Variants in FILIP1L observed in about 807,000 individuals in gnomAD.
FILIP1L encodes filamin A-interacting protein 1-like.
A neutral mutation model predicts 96.6 loss-of-function variants in FILIP1L; 55 were observed. The observed-to-expected ratio is 0.57, with a 90% confidence interval of 0.46 to 0.71. The LOEUF (loss-of-function observed/expected upper bound fraction) is 0.71, where lower values mean the gene tolerates loss of function less well. Ranked by LOEUF, FILIP1L falls within the 30% of genes least tolerant of loss-of-function variation. FILIP1L has a pLI of 0.00. For synonymous variants in FILIP1L, 467 were observed against 473.9 expected (o/e 0.99, Z 0.19); for missense variants, 1,304 against 1,321.2 (o/e 0.99, Z 0.20).
In FILIP1L at chr3:99,848,516, C is replaced by T. The variant is rs1239417708; in HGVS notation, c.3160G>A (p.Val1054Met). ...ATTTTATTATCCTCAGTAGTTATCA[C>T]ACTTGAGCTATTGCTGTTTGAACGC... ...FQRSNSNSSS[V>M]ITTEDNKIHI... The change falls in exon 5 of 6, where the codon GTG becomes ATG. Residue 1054 changes from valine (V) to methionine (M), a missense_variant. Coordinates refer to ENST00000477258, the MANE Select transcript of FILIP1L (RefSeq NM_001387850.1). 4 of 1,614,208 alleles carry T rather than the reference C, an allele frequency of 2.5e-6. No individual in the cohort carries two copies. Among genetic ancestry groups the T allele is most frequent in the South Asian group, 2.2e-5 (2 of 91,084 alleles).
intron 1 of FILIP1L, among the ~76,000 whole-genome samples, chr3:99,952,500 T>C (rs535611181): frequency 8.7e-4 from 132 of 152,314 alleles, no homozygotes; most frequent in Admixed American, 1.4e-3. Context: ...AGTTCATTCA[T>C]GGTTGGCTTA....
At chr3:100,017,036 T>G (rs748348840) in intron 1 of FILIP1L, among the ~76,000 whole-genome samples, 4 of 152,226 alleles carry the variant, frequency 2.6e-5, no homozygotes, top group Non-Finnish European at 2.9e-5. Context: ...GTTTTTCAAA[T>G]TCACCAGTTT....
chr3:99,907,268 G>C (rs748176008), intron 4 of FILIP1L, among the ~76,000 whole-genome samples: 1 of 151,430 alleles, frequency 6.6e-6, no homozygotes, highest in Non-Finnish European at 1.5e-5. Context: ...TTTTTTTTGA[G>C]ACAGAGTCTC....
At chr3:99,941,353 A>G (rs191142898) in intron 1 of FILIP1L, among the ~76,000 whole-genome samples, 2 of 152,360 alleles carry the variant, frequency 1.3e-5, no homozygotes, top group East Asian at 1.9e-4. Context: ...TCAATGCACA[A>G]AGTGTTTTGG....
intron 4 of FILIP1L, among the ~76,000 whole-genome samples, chr3:99,882,206 T>C (rs909480938): frequency 3.9e-5 from 6 of 152,216 alleles, no homozygotes; most frequent in Non-Finnish European, 7.3e-5. Flanking sequence ...TCTTCTAAGA[T>C]TATTTTTATG....
At chr3:99,866,073 T>TTCCTTTATTCTC (rs545655351) in intron 4 of FILIP1L, among the ~76,000 whole-genome samples, 3 of 152,156 alleles carry the variant, frequency 2.0e-5, no homozygotes, top group Non-Finnish European at 4.4e-5. Context: ...CTGCTTTTCT[T>TTCCTTTATTCTC]TCCTTTATTC....
chr3:99,884,433 G>A (rs1705828413), intron 4 of FILIP1L, among the ~76,000 whole-genome samples: 1 of 152,160 alleles, frequency 6.6e-6, no homozygotes, highest in Admixed American at 6.5e-5. Context: ...ATTGATTTAA[G>A]TTTCATAGCT....
intron 1 of FILIP1L, among the ~76,000 whole-genome samples, chr3:100,003,237 A>T (rs1471851717): frequency 6.6e-6 from 1 of 152,188 alleles, no homozygotes; most frequent in Non-Finnish European, 1.5e-5. Context: ...GACCATGTGG[A>T]GAAAATAAAA....
At chr3:99,842,350 G>A (rs888792760) in intron 5 of FILIP1L, among the ~76,000 whole-genome samples, 9 of 151,988 alleles carry the variant, frequency 5.9e-5, no homozygotes, top group African/African-American at 1.9e-4. Context: ...TGGGAGGGGT[G>A]TAAGGGATAA....
intron 1 of FILIP1L, among the ~76,000 whole-genome samples, chr3:99,985,505 C>A (rs937418465): frequency 3.9e-5 from 6 of 152,068 alleles, no homozygotes; most frequent in African/African-American, 1.4e-4. Context: ...CTCAAAAAAA[C>A]AAGGTGAGCT....
chr3:100,109,552 C>A (rs1487335686), intron 1 of FILIP1L, among the ~76,000 whole-genome samples: 1 of 152,040 alleles, frequency 6.6e-6, no homozygotes, highest in Admixed American at 6.6e-5. Flanking sequence ...GGGGTTTTTT[C>A]CCACAATGTT....
intron 1 of FILIP1L, among the ~76,000 whole-genome samples, chr3:100,033,652 A>G (rs1338717326): frequency 3.3e-5 from 5 of 152,208 alleles, no homozygotes; most frequent in Admixed American, 1.3e-4. Flanking sequence ...TTAAATGGTC[A>G]GTAGGAAATT....
At chr3:99,970,206 A>G (rs1261447306) in intron 1 of FILIP1L, among the ~76,000 whole-genome samples, 1 of 152,222 alleles carries the variant, frequency 6.6e-6, no homozygotes, top group Non-Finnish European at 1.5e-5. Context: ...AAGTGAAGGC[A>G]TAGAAATAAT....
intron 1 of FILIP1L, among the ~76,000 whole-genome samples, chr3:100,104,721 T>C (rs1004844390): frequency 1.3e-5 from 2 of 152,184 alleles, no homozygotes; most frequent in African/African-American, 2.4e-5. Flanking sequence ...ACTGATGTTC[T>C]CAGCTTGTTA....
At chr3:100,092,252 A>AT (rs2066123253) in intron 1 of FILIP1L, among the ~76,000 whole-genome samples, 1 of 152,194 alleles carries the variant, frequency 6.6e-6, no homozygotes, top group Admixed American at 6.5e-5. Flanking sequence ...ATTGATTGTG[A>AT]TTGGAAATAG....
chr3:99,868,894 G>C (rs773530118), intron 4 of FILIP1L, among the ~76,000 whole-genome samples: 3 of 151,982 alleles, frequency 2.0e-5, no homozygotes, highest in Non-Finnish European at 4.4e-5. Context: ...ACATTATTTT[G>C]TACTGCTTTC....
chr3:100,101,823 A>C (rs1393677781), intron 1 of FILIP1L, among the ~76,000 whole-genome samples: 1 of 151,604 alleles, frequency 6.6e-6, no homozygotes, highest in Non-Finnish European at 1.5e-5. Context: ...TCCTGTGTCC[A>C]TGTGTTCTCA....
chr3:99,944,421 C>T (rs1707946060), intron 1 of FILIP1L, among the ~76,000 whole-genome samples: 1 of 152,194 alleles, frequency 6.6e-6, no homozygotes, highest in African/African-American at 2.4e-5. Flanking sequence ...CCCAGGCTGT[C>T]ACGTCTGTCT....
rs956420204 is a variant in FILIP1L, at chr3:99,933,827, G to T, written c.-10-2797C>A. 6.6e-5 allele frequency among the ~76,000 whole-genome samples: 10 copies of T among 152,252 alleles called. No homozygotes were observed. In the South Asian group the frequency reaches 8.3e-4, roughly 13 times the overall value. The stretch of plus-strand genomic sequence containing the variant: ...CTCCATACATAATGGGCATGCATTA[G>T]GGTGACTGGCTTGCTCCTTTTACTT... On this transcript the variant is annotated intron_variant, in intron 1 of 5. Transcript: ENST00000477258.
Sources: allele counts gnomAD v4.1 joint callset (sites outside exome capture counted in the v4.1 genomes callset), GRCh38; gene constraint gnomAD v4.1.1; transcripts MANE v1.5; gene names NCBI Gene and HGNC (gene_info 2026-07-23, HGNC 2026-07-21).